The following HEATR4 variants were observed in gnomAD, a reference collection of about 807,000 sequenced individuals.
HEATR4 encodes the protein HEAT repeat containing 4.
HEATR4 carries 95 observed loss-of-function variants against 108.8 expected under a neutral mutation model. The ratio of observed to expected loss-of-function variants is 0.87; its 90% CI spans 0.74 to 1.04. The LOEUF is 1.04. HEATR4 is among the 50% of genes least tolerant of loss of function. HEATR4 has a pLI of 0.00. For missense variants in HEATR4, 1,152 were observed against 1,253.8 expected (o/e 0.92, Z 1.23); for synonymous variants, 443 against 459.4 (o/e 0.96, Z 0.46).
At chr14:73,493,218 CAG>C in intron 16 of HEATR4, 94 bp from the exon 17 acceptor site, 1 of 1,007,560 alleles carries the variant, frequency 9.9e-7, no homozygotes, top group East Asian at 2.4e-5. Flanking sequence ...CTTCAGGCTT[CAG>C]TGTACTGGGT....
At chr14:73,496,552 C>G in intron 15 of HEATR4, 49 bp downstream of exon 15, 1 of 1,174,662 alleles carries the variant, frequency 8.5e-7, no homozygotes, top group Non-Finnish European at 1.3e-6. Context: ...CTGAGGAACT[C>G]TTGAGAGTCC....
intron 1 of HEATR4, among the ~76,000 whole-genome samples, chr14:73,531,634 C>G (rs1298071602): frequency 1.8e-5 from 2 of 109,556 alleles, no homozygotes; most frequent in African/African-American, 5.9e-5. Context: ...TTCTCGAACT[C>G]CTGACCTCAA....
chr14:73,511,169 A>C (rs988757516), intron 7 of HEATR4, among the ~76,000 whole-genome samples: 4 of 152,130 alleles, frequency 2.6e-5, no homozygotes, highest in Non-Finnish European at 5.9e-5. Flanking sequence ...TGAAGCTCAG[A>C]GAGGTTAGCT....
chr14:73,492,361 GGAGTTTCGGAGGGGTCTGCCCC>G lies in HEATR4; in HGVS notation c.2844+683_2844+704del. The G allele has an allele frequency of 6.2e-7, 1 of 1,613,910 alleles. No individual in the cohort carries two copies. Among genetic ancestry groups the G allele is most frequent in the Non-Finnish European group, 8.5e-7 (1 of 1,179,822 alleles). Reference sequence around the variant, plus strand: ...TGCAGGCTGCAATGGAAGAAAATGTGGAGTTTCGGAGGGGTCTGCCCCGAGACTTCATGGATTACATGGGGGC... The same window carrying G: ...TGCAGGCTGCAATGGAAGAAAATGTGGAGACTTCATGGATTACATGGGGGC... On this transcript the variant is annotated intron_variant, in intron 17 of 17. Transcript: ENST00000553558. This position sits in a 1 kb window ranked among gnomAD's most constrained non-coding sequence, Gnocchi z 4.9.
At chr14:73,499,534 A>G (rs1385263252) in intron 12 of HEATR4, among the ~76,000 whole-genome samples, 3 of 152,140 alleles carry the variant, frequency 2.0e-5, no homozygotes, top group Non-Finnish European at 4.4e-5. Context: ...CAGGGAAACC[A>G]CTTATCTCTA....
intron 17 of HEATR4, chr14:73,491,300 G>A: frequency 3.9e-6 from 6 of 1,536,176 alleles, no homozygotes; most frequent in Non-Finnish European, 5.2e-6. Context: ...AGCCCGGCGA[G>A]AGCCATACGG....
chr14:73,591,914 A>G, the HEATR4 span: 1 of 1,344,258 alleles, frequency 7.4e-7, no homozygotes, highest in Non-Finnish European at 9.6e-7. Flanking sequence ...ACGATCTTGG[A>G]CGGGTCTCGG....
At chr14:73,589,459 A>G in the HEATR4 span, among the ~76,000 whole-genome samples, 2 of 152,076 alleles carry the variant, frequency 1.3e-5, no homozygotes, top group Non-Finnish European at 2.9e-5. Flanking sequence ...AGCTGAGACT[A>G]CAGGTGCACA....
chr14:73,623,675 C>G, the HEATR4 span, among the ~76,000 whole-genome samples: 405 of 152,080 alleles, frequency 2.7e-3, no homozygotes, highest in African/African-American at 9.4e-3. Flanking sequence ...GATCCTGTCT[C>G]TAAAAAATAA....
At chr14:73,486,449 G>A (rs542876231) in intron 17 of HEATR4, among the ~76,000 whole-genome samples, 28 of 152,172 alleles carry the variant, frequency 1.8e-4, no homozygotes, top group African/African-American at 6.5e-4. Context: ...CGTAATTCCA[G>A]CACTTTGGGA....
chr14:73,619,990 T>A, the HEATR4 span: 1 of 861,610 alleles, frequency 1.2e-6, no homozygotes, highest in Non-Finnish European at 1.7e-6. Context: ...TGGCTCACTG[T>A]AACCTCTGCC....
the HEATR4 span, among the ~76,000 whole-genome samples, chr14:73,614,385 A>G: frequency 6.6e-6 from 1 of 152,134 alleles, no homozygotes; most frequent in Non-Finnish European, 1.5e-5. Flanking sequence ...TGGGTCTTAC[A>G]GATTTCTAAA....
intron 17 of HEATR4, among the ~76,000 whole-genome samples, chr14:73,490,175 G>C (rs1440661212): frequency 6.6e-6 from 1 of 152,164 alleles, no homozygotes; most frequent in Non-Finnish European, 1.5e-5. Flanking sequence ...GCCCAGGCTG[G>C]AGTGCAATGG....
the HEATR4 span, among the ~76,000 whole-genome samples, chr14:73,566,587 C>T: frequency 6.6e-6 from 1 of 152,214 alleles, no homozygotes; most frequent in East Asian, 1.9e-4. Flanking sequence ...GTGCTAAGCC[C>T]CTCATTGCCC....
At chr14:73,523,635 C>G (rs1888111746) in intron 2 of HEATR4, among the ~76,000 whole-genome samples, 1 of 152,188 alleles carries the variant, frequency 6.6e-6, no homozygotes, top group Non-Finnish European at 1.5e-5. Flanking sequence ...TCTGCTTGAG[C>G]CAGTCCAGTC....
intron 11 of HEATR4, 44 bp downstream of exon 11, chr14:73,502,851 C>G: frequency 1.3e-6 from 2 of 1,494,732 alleles, no homozygotes; most frequent in Non-Finnish European, 1.9e-6. Flanking sequence ...CTAAACACTT[C>G]TAAGAATTTA....
the HEATR4 span, among the ~76,000 whole-genome samples, chr14:73,598,339 G>A: frequency 1.3e-5 from 2 of 148,674 alleles, no homozygotes; most frequent in African/African-American, 2.5e-5. Flanking sequence ...GCAGTGAGCC[G>A]AGATCATGCC....
Position 73,556,366 on chromosome 14 carries a change from A to C in HEATR4, c.-152+2385T>G, listed in dbSNP as rs1403890572. ...CTTGAACCCAGGAGGCGGAGGTTGC[A>C]GTGAGCCAAGATCACACCAGTGCAC... is the stretch of plus-strand genomic sequence containing the variant. On this transcript the variant is annotated intron_variant, in intron 1 of 17. Coordinates refer to ENST00000553558, the MANE Select transcript of HEATR4 (RefSeq NM_001220484.1). Among the ~76,000 whole-genome samples, 4 of 112,040 alleles carry C rather than the reference A, an allele frequency of 3.6e-5. 2 individuals carry two copies. The highest frequency in any genetic ancestry group is 7.8e-5 in the Non-Finnish European group (4 of 51,264). The allele number at this position is 112,040 out of a possible 152,430, so 73.5% of individuals were successfully genotyped here.
At position 73,537,490 on chromosome 14, in the gene HEATR4, G is replaced by A. The variant is rs747228529; in HGVS notation, c.-151-7246C>T. 89 of 1,221,348 alleles carry A rather than the reference G, an allele frequency of 7.3e-5. 29 individuals carry two copies. Among genetic ancestry groups the A allele is most frequent in the Non-Finnish European group, 8.8e-5 (81 of 925,602 alleles). The allele number at this position is 1,221,348 out of a possible 1,614,324, so 75.7% of individuals were successfully genotyped here. A position where few individuals can be genotyped will look rare whatever the true frequency, so the allele number is the denominator to read the frequency against. On this transcript the variant is annotated intron_variant, in intron 1 of 17. Coordinates refer to ENST00000553558, the MANE Select transcript of HEATR4 (RefSeq NM_001220484.1). ...GGGACGAACCGGTGCGAATCGCCGT[G>A]CGCGGCCTAGCCCCGGAGCAGCCGG... is the stretch of plus-strand genomic sequence containing the variant.
Sources: gnomAD v4.1 joint callset for allele counts (sites outside exome capture counted in the v4.1 genomes callset) on GRCh38, gnomAD v4.1.1 for gene constraint, Gnocchi (gnomAD v3.1) non-coding constraint, MANE v1.5 for transcripts, NCBI Gene and HGNC (gene_info 2026-07-23, HGNC 2026-07-21) for gene names.